RBFOX1: variants seen among roughly 807,000 people sequenced by gnomAD.
RBFOX1 encodes the protein RNA binding fox-1 homolog 1.
In RBFOX1, 8 loss-of-function variants were observed where a neutral mutation model predicts 57.7. The ratio of observed to expected loss-of-function variants is 0.14; its 90% confidence interval spans 0.08 to 0.25. The LOEUF (loss-of-function observed/expected upper bound fraction) is 0.25, where lower values mean the gene tolerates loss of function less well. Among genes scored for constraint, RBFOX1 ranks in the 10% least tolerant of loss-of-function variants. The probability of loss-of-function intolerance (pLI) is 1.00; values close to 1 mark genes in which losing one functional copy is unlikely to be tolerated. For missense variants in RBFOX1, 611 were observed against 548.5 expected, an observed-to-expected ratio of 1.11 and a Z score of -1.14; for synonymous variants, 326 against 222.4, an observed-to-expected ratio of 1.47 and a Z score of -4.15.
chr16:7,316,578 C>G (rs1158675383), intron 4 of RBFOX1, among the ~76,000 whole-genome samples: 1 of 152,160 alleles, frequency 6.6e-6, no homozygotes, highest in Non-Finnish European at 1.5e-5. Context: ...ATGGAGGTTA[C>G]AAGTCTGTGG....
At chr16:5,371,471 T>G (rs993325605) in intron 1 of RBFOX1, among the ~76,000 whole-genome samples, 3 of 152,180 alleles carry the variant, frequency 2.0e-5, no homozygotes, top group African/African-American at 4.8e-5. Context: ...ATCTTGGACT[T>G]CCAGCCTCCA....
At chr16:7,116,239 A>T (rs191953975) in intron 4 of RBFOX1, among the ~76,000 whole-genome samples, 1 of 152,104 alleles carries the variant, frequency 6.6e-6, no homozygotes, top group Non-Finnish European at 1.5e-5. Flanking sequence ...TATAGAGAGA[A>T]AGCCCATGCA....
At chr16:6,842,015 C>T (rs576777241) in intron 3 of RBFOX1, among the ~76,000 whole-genome samples, 30 of 151,284 alleles carry the variant, frequency 2.0e-4, no homozygotes, top group South Asian at 1.9e-3. Flanking sequence ...TGGTGGCGGG[C>T]GCCTGTAGTC....
At chr16:6,817,804 A>T (rs557832330) in intron 3 of RBFOX1, among the ~76,000 whole-genome samples, 1 of 152,312 alleles carries the variant, frequency 6.6e-6, no homozygotes, top group South Asian at 2.1e-4. Context: ...CAAAAACCTT[A>T]TTAACTATAA....
chr16:7,282,266 A>G (rs1264389975), intron 4 of RBFOX1, among the ~76,000 whole-genome samples: 1 of 152,218 alleles, frequency 6.6e-6, no homozygotes, highest in Non-Finnish European at 1.5e-5. Flanking sequence ...AGGAACAAGT[A>G]AATGGCATTT....
rs562509308 is a variant in RBFOX1 at position 5,627,410 on chromosome 16, G to T, written c.318+28449G>T. Among the ~76,000 whole-genome samples, 8 of 152,000 alleles carry T rather than the reference G, an allele frequency of 5.3e-5. 1 individual carries two copies. The South Asian group carries it at 1.7e-3, about 32-fold the overall frequency. On this transcript the variant is annotated intron_variant, in intron 3 of 19. Coordinates refer to the RBFOX1 transcript ENST00000641259. Reference sequence around the variant, plus strand: ...AGCAATTTTGCCTTTTAACCATAGTGATCTTGGGGTGTGTGTGTGTGTGTG... The same window carrying T: ...AGCAATTTTGCCTTTTAACCATAGTTATCTTGGGGTGTGTGTGTGTGTGTG...
intron 1 of RBFOX1, among the ~76,000 whole-genome samples, chr16:6,265,245 T>C (rs1014249384): frequency 6.6e-6 from 1 of 152,080 alleles, no homozygotes; most frequent in East Asian, 1.9e-4. Flanking sequence ...TTTTTTGACA[T>C]TTTGTTTTTT....
At chr16:6,759,097 A>T (rs569372975) in intron 3 of RBFOX1, among the ~76,000 whole-genome samples, 1 of 152,308 alleles carries the variant, frequency 6.6e-6, no homozygotes, top group South Asian at 2.1e-4. Context: ...TTCTACTGAA[A>T]ATAAAGTTGA....
At chr16:5,408,340 A>G (rs1356402927) in intron 1 of RBFOX1, among the ~76,000 whole-genome samples, 1 of 152,190 alleles carries the variant, frequency 6.6e-6, no homozygotes, top group Admixed American at 6.5e-5. Context: ...GTGTTATATG[A>G]ATCAATACAT....
intron 3 of RBFOX1, among the ~76,000 whole-genome samples, chr16:5,677,820 G>A (rs1376918216): frequency 6.6e-6 from 1 of 152,194 alleles, no homozygotes; most frequent in East Asian, 1.9e-4. Context: ...ACTGTGTTCT[G>A]GAGGAACGTG....
At chr16:6,656,062 A>G (rs1206094546) in intron 3 of RBFOX1, among the ~76,000 whole-genome samples, 1 of 152,178 alleles carries the variant, frequency 6.6e-6, no homozygotes, top group Non-Finnish European at 1.5e-5. Flanking sequence ...ATTTCAATTC[A>G]TGTTTGCATT....
intron 3 of RBFOX1, among the ~76,000 whole-genome samples, chr16:6,690,745 CT>C (rs2060088923): frequency 8.9e-6 from 1 of 112,242 alleles, no homozygotes; most frequent in African/African-American, 3.6e-5. Context: ...GGTTTGGTTT[CT>C]TTTCTTTCTT....
intron 3 of RBFOX1, among the ~76,000 whole-genome samples, chr16:5,733,434 G>A (rs190743205): frequency 2.4e-4 from 37 of 152,248 alleles, no homozygotes; most frequent in Admixed American, 2.2e-3. Flanking sequence ...TGCAAGTGGC[G>A]CTCTTGTCTC....
chr16:6,776,642 A>G (rs993499564), intron 3 of RBFOX1, among the ~76,000 whole-genome samples: 2 of 152,094 alleles, frequency 1.3e-5, no homozygotes, highest in African/African-American at 4.8e-5. Context: ...TCAAATCGGT[A>G]TGCCATCTCT....
At chr16:5,933,551 C>G (rs528243315) in intron 4 of RBFOX1, among the ~76,000 whole-genome samples, 1 of 152,178 alleles carries the variant, frequency 6.6e-6, no homozygotes, top group Non-Finnish European at 1.5e-5. Flanking sequence ...GACTTAGGAA[C>G]AATCACACAG....
In RBFOX1 at chr16:6,935,989, C is replaced by T. The variant is rs1018862944; in HGVS notation, c.-15-116068C>T. On this transcript the variant is annotated intron_variant, in intron 3 of 15. Coordinates refer to ENST00000550418, the MANE Select transcript of RBFOX1 (RefSeq NM_018723.4). ...TTACACTCAGGCAGTGATTGCATAT[C>T]TGGGGGCTAATGAGCTAAGTTTGGA... is the stretch of plus-strand genomic sequence containing the variant. 5.3e-5 allele frequency among the ~76,000 whole-genome samples: 8 copies of T among 152,154 alleles called. No homozygotes were observed. In the South Asian group the frequency reaches 1.7e-3, roughly 32 times the overall value.
At chr16:7,437,767 C>G (rs2098734569) in intron 4 of RBFOX1, among the ~76,000 whole-genome samples, 1 of 151,848 alleles carries the variant, frequency 6.6e-6, no homozygotes, top group Non-Finnish European at 1.5e-5. Flanking sequence ...CTCGACGTGG[C>G]AAAGATAATC....
chr16:6,780,286 CAT>C (rs543648388), intron 3 of RBFOX1, among the ~76,000 whole-genome samples: 3,856 of 49,150 alleles, frequency 0.078, 462 homozygotes, highest in African/African-American at 0.24. Context: ...TATATTTATA[CAT>C]ATATATATTT....
intron 3 of RBFOX1, among the ~76,000 whole-genome samples, chr16:6,985,548 C>CTCTCTCTCCACT (rs1180559346): frequency 1.3e-5 from 2 of 152,178 alleles, no homozygotes; most frequent in African/African-American, 4.8e-5. Flanking sequence ...TTAGACAGGG[C>CTCTCTCTCCACT]TGGGAGCAGT....
Sources: allele counts gnomAD v4.1 joint callset (sites outside exome capture counted in the v4.1 genomes callset), GRCh38; gene constraint gnomAD v4.1.1; transcripts MANE v1.5; gene names NCBI Gene and HGNC (gene_info 2026-07-23, HGNC 2026-07-21).